MMS22L: variants seen among roughly 807,000 people sequenced by gnomAD.
The protein encoded by MMS22L is protein MMS22-like.
In MMS22L, 74 loss-of-function variants were observed where a neutral mutation model predicts 159.1. That is an observed-to-expected ratio of 0.47 (90% CI 0.39 to 0.56). The LOEUF (loss-of-function observed/expected upper bound fraction) is 0.56, where lower values mean the gene tolerates loss of function less well. Among genes scored for constraint, MMS22L ranks in the 20% least tolerant of loss-of-function variants. The pLI is 0.00. For synonymous variants in MMS22L, 517 were observed against 506.9 expected (o/e 1.02, Z -0.27); for missense variants, 1,351 against 1,422.1 (o/e 0.95, Z 0.80).
At chr6:97,232,165 T>G (rs935474550) in intron 12 of MMS22L, among the ~76,000 whole-genome samples, 3 of 152,164 alleles carry the variant, frequency 2.0e-5, no homozygotes, top group Non-Finnish European at 4.4e-5. Context: ...TCAGTAGTAC[T>G]AAGTAGTTCC....
rs762465123 is a variant in MMS22L, at chr6:97,186,561, TGAAAA to T, written c.2164_2168del (p.Phe722IlefsTer54). The T allele has an allele frequency of 4.8e-5, 77 of 1,612,536 alleles. No individual in the cohort carries two copies. Among genetic ancestry groups the T allele is most frequent in the East Asian group, 2.2e-5 (1 of 44,772 alleles). On this transcript the variant is annotated frameshift_variant, in exon 15 of 25. Transcript: ENST00000683635. LOFTEE classifies it high-confidence loss of function. ...GTGACATTCTCTGACTCTTCAAAAA[TGAAAA>T]GAAATGTCTCCACAGTGCACTGGCA... is the stretch of plus-strand genomic sequence containing the variant.
At chr6:97,191,202 C>G (rs1051391459) in intron 14 of MMS22L, among the ~76,000 whole-genome samples, 1 of 152,156 alleles carries the variant, frequency 6.6e-6, no homozygotes. Context: ...TCATATGAGA[C>G]GCATGGAACC....
At chr6:97,236,970 T>G (rs1268155675) in intron 11 of MMS22L, among the ~76,000 whole-genome samples, 1 of 149,616 alleles carries the variant, frequency 6.7e-6, no homozygotes. Flanking sequence ...AAAAAAGGAC[T>G]AAAGCAGAGA....
chr6:97,231,454 G>C lies in MMS22L; in HGVS notation c.1501C>G (p.Pro501Ala), dbSNP rs1810853121. The C allele has an allele frequency of 6.2e-7, 1 of 1,613,344 alleles. No individual in the cohort carries two copies. The highest frequency in any genetic ancestry group is 8.5e-7 in the Non-Finnish European group (1 of 1,179,706). Reference sequence around the variant, plus strand: ...CCTTTGACTTGTTTCCAAGGATGAGGGCCATTGCTCTTCATTGCTTTTTTA... The same window carrying C: ...CCTTTGACTTGTTTCCAAGGATGAGCGCCATTGCTCTTCATTGCTTTTTTA... ...VVKKAMKSNG[P>A]HPWKQVKGRI... Residue 501 changes from proline (P) to alanine (A), a missense_variant, in exon 13 of 25, where the codon CCT becomes GCT. Transcript: ENST00000683635.
At chr6:97,154,253 T>A (rs1378407357) in intron 22 of MMS22L, among the ~76,000 whole-genome samples, 1 of 152,202 alleles carries the variant, frequency 6.6e-6, no homozygotes, top group Non-Finnish European at 1.5e-5. Flanking sequence ...TTATTGGCCG[T>A]TTATTTTCTT....
intron 14 of MMS22L, among the ~76,000 whole-genome samples, chr6:97,211,667 T>A (rs977154426): frequency 5.3e-5 from 8 of 152,162 alleles, no homozygotes; most frequent in African/African-American, 1.9e-4. Context: ...TTCTGACATC[T>A]ATTTTTCTTC....
At chr6:97,213,953 TA>T (rs781534424) in intron 14 of MMS22L, among the ~76,000 whole-genome samples, 12 of 151,926 alleles carry the variant, frequency 7.9e-5, no homozygotes, top group African/African-American at 2.7e-4. Context: ...TGGAAAAAGT[TA>T]AAAAAAAATT....
chr6:97,245,135 T>C (rs925428370), intron 11 of MMS22L, among the ~76,000 whole-genome samples: 2 of 151,848 alleles, frequency 1.3e-5, no homozygotes, highest in African/African-American at 4.8e-5. Context: ...ATATATATAT[T>C]TATCCATATA....
chr6:97,282,335 A>T lies in MMS22L; in HGVS notation c.143T>A (p.Leu48His). ...CTACCGCTTAAGGGCTCCGCTGCAG[A>T]GGTAGGATTCTCCAGAAAAATGTTT... ...GGKHFSGESY[L>H]CSGALKRLIL... The change falls in exon 2 of 25, where the codon CTC becomes CAC. Residue 48 changes from leucine (L) to histidine (H), a missense_variant. Transcript: ENST00000683635. 1 of 1,614,090 alleles carries T rather than the reference A, an allele frequency of 6.2e-7. No homozygotes were observed. Among genetic ancestry groups the T allele is most frequent in the Non-Finnish European group, 8.5e-7 (1 of 1,179,970 alleles).
At chr6:97,189,988 T>A (rs1053144014) in intron 14 of MMS22L, among the ~76,000 whole-genome samples, 1 of 152,158 alleles carries the variant, frequency 6.6e-6, no homozygotes, top group Non-Finnish European at 1.5e-5. Context: ...AACCAAATTT[T>A]TGCACTATAG....
chr6:97,166,109 C>T (rs1284859518), intron 20 of MMS22L, among the ~76,000 whole-genome samples: 1 of 152,088 alleles, frequency 6.6e-6, no homozygotes, highest in Admixed American at 6.6e-5. Context: ...TTAATACAGT[C>T]ACACAGAACT....
intron 6 of MMS22L, chr6:97,270,981 G>A (rs534382438): frequency 5.3e-5 from 8 of 151,812 alleles, no homozygotes; most frequent in East Asian, 3.9e-4. Context: ...AATTCAAATC[G>A]ACCTAGAAAG....
At chr6:97,211,421 G>A (rs1204978243) in intron 14 of MMS22L, among the ~76,000 whole-genome samples, 2 of 152,014 alleles carry the variant, frequency 1.3e-5, no homozygotes, top group African/African-American at 4.8e-5. Context: ...CTGTGTTATA[G>A]GCTTTTCAAA....
intron 22 of MMS22L, among the ~76,000 whole-genome samples, chr6:97,157,983 G>C (rs987998061): frequency 6.6e-6 from 1 of 152,112 alleles, no homozygotes; most frequent in Non-Finnish European, 1.5e-5. Context: ...ATTAATTACT[G>C]CCTCAATTTC....
intron 14 of MMS22L, among the ~76,000 whole-genome samples, chr6:97,206,846 A>G (rs1458649484): frequency 1.3e-5 from 2 of 152,200 alleles, no homozygotes; most frequent in Admixed American, 6.5e-5. Context: ...GATTTTAGGT[A>G]GAATAACAGT....
intron 10 of MMS22L, among the ~76,000 whole-genome samples, chr6:97,248,781 C>CGATTGAA (rs1562504642): frequency 1.3e-5 from 2 of 151,952 alleles, no homozygotes; most frequent in African/African-American, 4.8e-5. Context: ...ATCGCTTGAA[C>CGATTGAA]CCAGGAGGCA....
intron 4 of MMS22L, among the ~76,000 whole-genome samples, chr6:97,277,691 C>T (rs1816375470): frequency 6.6e-6 from 1 of 152,070 alleles, no homozygotes; most frequent in Non-Finnish European, 1.5e-5. Flanking sequence ...CTTCAAATTG[C>T]CCCTGCTAAT....
chr6:97,240,788 G>A (rs148644591), intron 11 of MMS22L, among the ~76,000 whole-genome samples: 11,120 of 152,116 alleles, frequency 0.073, 533 homozygotes, highest in Non-Finnish European at 0.11. Context: ...CACCACACCC[G>A]GCTAACTTTT....
At chr6:97,171,173 T>C (rs1014462207) in intron 19 of MMS22L, among the ~76,000 whole-genome samples, 1 of 152,220 alleles carries the variant, frequency 6.6e-6, no homozygotes, top group Non-Finnish European at 1.5e-5. Flanking sequence ...ACCTGATACA[T>C]AATAATTGTT....
Sources: gnomAD v4.1 joint callset for allele counts (sites outside exome capture counted in the v4.1 genomes callset) on GRCh38, gnomAD v4.1.1 for gene constraint, MANE v1.5 for transcripts, NCBI Gene and HGNC (gene_info 2026-07-23, HGNC 2026-07-21) for gene names.